The following HTR4 variants were observed in gnomAD, a reference collection of about 807,000 sequenced individuals.
The protein encoded by HTR4 is 5-hydroxytryptamine (serotonin) receptor 4, G protein-coupled.
A neutral mutation model predicts 36.8 loss-of-function variants in HTR4; 16 were observed. The ratio of observed to expected loss-of-function variants is 0.43; its 90% CI spans 0.29 to 0.66. The LOEUF is 0.66. HTR4 is among the 30% of genes least tolerant of loss of function. The pLI, the probability that HTR4 is intolerant of heterozygous loss-of-function variation, is 0.13. For synonymous variants in HTR4, 189 were observed against 185.1 expected (o/e 1.02, Z -0.17); for missense variants, 438 against 490.9 (o/e 0.89, Z 1.02).
intron 4 of HTR4, among the ~76,000 whole-genome samples, chr5:148,526,629 T>C (rs1465842640): frequency 2.0e-5 from 3 of 152,156 alleles, no homozygotes; most frequent in Non-Finnish European, 1.5e-5. Context: ...TACCTAAGCA[T>C]TTATTAGTGG....
At chr5:148,582,768 T>A (rs1253820309) in intron 2 of HTR4, among the ~76,000 whole-genome samples, 1 of 152,162 alleles carries the variant, frequency 6.6e-6, no homozygotes, top group Non-Finnish European at 1.5e-5. Context: ...TACTTGTGAT[T>A]TTTGTACGTT....
intron 5 of HTR4, among the ~76,000 whole-genome samples, chr5:148,458,559 C>A (rs570894724): frequency 6.6e-6 from 1 of 152,042 alleles, no homozygotes; most frequent in African/African-American, 2.4e-5. Flanking sequence ...GATGAGATCT[C>A]GGTTAGTGTG....
rs1280892216 is a variant in HTR4 at position 148,462,788 on chromosome 5, A to C, written c.1077-11516T>G. On this transcript the variant is annotated intron_variant, in intron 5 of 5. Coordinates refer to the HTR4 transcript ENST00000521530. ...AAGATATTAGCAAATCAAGTCTAAC[A>C]ATGTATACACAGAATTGCCCACCCA... Among the ~76,000 whole-genome samples, 9 of 152,304 alleles carry C rather than the reference A, an allele frequency of 5.9e-5. No homozygotes were observed. In the South Asian group the frequency reaches 1.2e-3, roughly 21 times the overall value.
chr5:148,514,445 A>G (rs1398171186), intron 5 of HTR4, among the ~76,000 whole-genome samples: 1 of 152,066 alleles, frequency 6.6e-6, no homozygotes, highest in Non-Finnish European at 1.5e-5. Flanking sequence ...TTTGTACTGG[A>G]CCCTGTGACA....
chr5:148,630,640 T>C (rs1276735543), intron 2 of HTR4, among the ~76,000 whole-genome samples: 1 of 152,132 alleles, frequency 6.6e-6, no homozygotes, highest in Non-Finnish European at 1.5e-5. Flanking sequence ...ATCAAGAAAC[T>C]TATAGCTTAT....
intron 2 of HTR4, among the ~76,000 whole-genome samples, chr5:148,615,630 T>C (rs988451667): frequency 2.0e-5 from 3 of 150,558 alleles, no homozygotes; most frequent in Non-Finnish European, 3.0e-5. Context: ...TGTATACGTA[T>C]GTAACTAACC....
rs180944617 is a variant in HTR4, at chr5:148,650,614, T to G, written c.-48+3448A>C. On this transcript the variant is annotated intron_variant, in intron 1 of 6. Transcript: ENST00000377888. ...ACTTTAATTTTGACAAGAGAAGAAA[T>G]TTTAGATTGATGGTAAGGAGAAGTT... Among the ~76,000 whole-genome samples, 458 of 152,184 alleles carry G rather than the reference T, an allele frequency of 3.0e-3. 2 individuals are homozygous for G. The highest frequency in any genetic ancestry group is 0.01 in the African/African-American group (421 of 41,518).
At chr5:148,573,222 T>C (rs965027592) in intron 2 of HTR4, among the ~76,000 whole-genome samples, 6 of 152,116 alleles carry the variant, frequency 3.9e-5, no homozygotes, top group African/African-American at 1.4e-4. Context: ...AATTCAATTG[T>C]ATAGCTGAAA....
At chr5:148,498,161 G>A (rs7723153) in intron 6 of HTR4, among the ~76,000 whole-genome samples, 69,722 of 152,000 alleles carry the variant, frequency 0.46, 16,441 homozygotes, top group African/African-American at 0.57. Context: ...TTTCATGTAA[G>A]TAAAAGGGCC....
intron 4 of HTR4, among the ~76,000 whole-genome samples, chr5:148,533,991 T>C (rs1319386550): frequency 2.0e-5 from 3 of 152,152 alleles, no homozygotes; most frequent in Admixed American, 2.0e-4. Flanking sequence ...TTCTAAGAAA[T>C]ATAAAGGTGA....
intron 2 of HTR4, among the ~76,000 whole-genome samples, chr5:148,616,257 C>A (rs534371930): frequency 5.6e-4 from 86 of 152,238 alleles, no homozygotes; most frequent in Non-Finnish European, 9.3e-4. Context: ...TTTATTTTTC[C>A]AAAATGTGTT....
At chr5:148,606,835 C>T (rs1752185309) in intron 2 of HTR4, among the ~76,000 whole-genome samples, 1 of 152,104 alleles carries the variant, frequency 6.6e-6, no homozygotes, top group Admixed American at 6.5e-5. Flanking sequence ...ATGAATTAGC[C>T]TCCTGTCAAA....
At chr5:148,645,399 C>T (rs887039307) in intron 1 of HTR4, 2 of 152,188 alleles carry the variant, frequency 1.3e-5, no homozygotes, top group African/African-American at 4.8e-5. Flanking sequence ...GTAATTTACA[C>T]TTGTCACAAA....
chr5:148,638,216 A>G (rs1321328459), intron 1 of HTR4, among the ~76,000 whole-genome samples: 3 of 152,172 alleles, frequency 2.0e-5, no homozygotes, highest in Non-Finnish European at 4.4e-5. Flanking sequence ...CTCTAAACTT[A>G]ACAGGAGCTC....
At chr5:148,573,526 T>A (rs1255933390) in intron 2 of HTR4, among the ~76,000 whole-genome samples, 1 of 151,940 alleles carries the variant, frequency 6.6e-6, no homozygotes, top group Non-Finnish European at 1.5e-5. Flanking sequence ...AAACTGATAA[T>A]GAAATGTTCC....
In HTR4 at chr5:148,466,320, C is replaced by T. The variant is rs1376154877; in HGVS notation, c.1077-15048G>A. 2.6e-5 allele frequency among the ~76,000 whole-genome samples: 4 copies of T among 152,150 alleles called. No homozygotes were observed. In the East Asian group the frequency reaches 7.7e-4, roughly 29 times the overall value. On this transcript the variant is annotated intron_variant, in intron 5 of 5. Transcript: ENST00000521530. ...GTTGAATATATATGGCCACTTCCTCCATATAGTCATCTCTGACCGTCTCAA... is the reference window on the plus strand; with the variant it reads ...GTTGAATATATATGGCCACTTCCTCTATATAGTCATCTCTGACCGTCTCAA...
chr5:148,569,656 T>A (rs1053912996), intron 2 of HTR4, among the ~76,000 whole-genome samples: 1 of 151,700 alleles, frequency 6.6e-6, no homozygotes, highest in Non-Finnish European at 1.5e-5. Context: ...ATATAATGTA[T>A]CCAAAACATG....
At chr5:148,633,759 T>G (rs1484916284) in intron 2 of HTR4, among the ~76,000 whole-genome samples, 1 of 152,124 alleles carries the variant, frequency 6.6e-6, no homozygotes, top group Non-Finnish European at 1.5e-5. Context: ...TTAATTATTT[T>G]ATAGTAAAGA....
chr5:148,531,132 C>A (rs143934695), intron 4 of HTR4, among the ~76,000 whole-genome samples: 1 of 152,196 alleles, frequency 6.6e-6, no homozygotes, highest in Non-Finnish European at 1.5e-5. Flanking sequence ...TGATTTAATA[C>A]CAAAAGGAGT....
Sources: gnomAD v4.1 joint callset for allele counts (sites outside exome capture counted in the v4.1 genomes callset) on GRCh38, gnomAD v4.1.1 for gene constraint, MANE v1.5 for transcripts, NCBI Gene and HGNC (gene_info 2026-07-23, HGNC 2026-07-21) for gene names.